C1QTNF2: variants seen among roughly 807,000 people sequenced by gnomAD.
C1QTNF2 encodes C1q and TNF related 2, also known as complement C1q tumor necrosis factor-related protein 2.
A neutral mutation model predicts 17.4 loss-of-function variants in C1QTNF2; 15 were observed. That is an observed-to-expected ratio of 0.86 (90% CI 0.58 to 1.33). C1QTNF2 has a LOEUF of 1.33. C1QTNF2 is among the 40% of genes most tolerant of loss of function. C1QTNF2 has a pLI of 0.00. For synonymous variants in C1QTNF2, 154 were observed against 163.3 expected (o/e 0.94, Z 0.44); for missense variants, 381 against 392.3 (o/e 0.97, Z 0.24).
chr5:160,350,695 T>C (rs1388838760), intron 2 of C1QTNF2, among the ~76,000 whole-genome samples: 1 of 152,088 alleles, frequency 6.6e-6, no homozygotes, highest in Non-Finnish European at 1.5e-5. Flanking sequence ...GAGTAAGACC[T>C]TGTCTCTAAA....
chr5:160,349,420 C>A lies in C1QTNF2; in HGVS notation c.606G>T (p.Thr202=), dbSNP rs754655270. The A allele has an allele frequency of 1.9e-6, 3 of 1,614,004 alleles. No homozygotes were observed. The highest frequency in any genetic ancestry group is 1.1e-5 in the South Asian group (1 of 91,078). Residue 202 remains threonine (T), a synonymous_variant, in exon 3 of 3, where the codon ACG becomes ACT. Coordinates refer to ENST00000652664, the MANE Select transcript of C1QTNF2 (RefSeq NM_031908.6). The surrounding 1 kb of genome is among the most constrained non-coding windows in gnomAD (Gnocchi z 4.3). Reference sequence around the variant, plus strand: ...CGATGGCCAGGTGCTTGTTGGCCAGCGTGATGTCGTAGGTGAAGTAGTAGA... The same window carrying A: ...CGATGGCCAGGTGCTTGTTGGCCAGAGTGATGTCGTAGGTGAAGTAGTAGA... ...PGIYYFTYDI[T]LANKHLAIGL... is the part of the protein sequence containing the mutation.
At chr5:160,369,164 A>C (rs1208462772) in intron 1 of C1QTNF2, among the ~76,000 whole-genome samples, 1 of 151,914 alleles carries the variant, frequency 6.6e-6, no homozygotes, top group Non-Finnish European at 1.5e-5. Flanking sequence ...TACCTTTCAG[A>C]ATTGGGAGGG....
chr5:160,364,771 G>A (rs1004739617), intron 1 of C1QTNF2, among the ~76,000 whole-genome samples: 1 of 152,156 alleles, frequency 6.6e-6, no homozygotes, highest in African/African-American at 2.4e-5. Context: ...TCTGAGGGAA[G>A]GATGGGGTGT....
intron 2 of C1QTNF2, among the ~76,000 whole-genome samples, chr5:160,353,090 A>T (rs1763956520): frequency 6.6e-6 from 1 of 152,182 alleles, no homozygotes; most frequent in South Asian, 2.1e-4. Context: ...CGTTCTTGCG[A>T]GGATGACATT....
At chr5:160,364,741 T>G (rs79116388) in intron 1 of C1QTNF2, among the ~76,000 whole-genome samples, 1 of 152,168 alleles carries the variant, frequency 6.6e-6, no homozygotes, top group Non-Finnish European at 1.5e-5. Context: ...GGGCCTTTTT[T>G]CCTGCCTTGC....
Position 160,349,133 on chromosome 5 carries a change from G to A in C1QTNF2, c.*35C>T, listed in dbSNP as rs751761367. On this transcript the variant is annotated 3_prime_UTR_variant, in exon 3 of 3. Transcript: ENST00000652664. The surrounding 1 kb of genome is among the most constrained non-coding windows in gnomAD (Gnocchi z 4.3). ...TTGCTCTGTAAGCCCAAGTCCAGAA[G>A]CTTGTTCCCTGCCTGGAGGACCGCC... The A allele has an allele frequency of 1.3e-6, 2 of 1,578,328 alleles. No homozygotes were observed. Among genetic ancestry groups the A allele is most frequent in the Admixed American group, 1.8e-5 (1 of 56,902 alleles).
rs1161298707 is a variant in C1QTNF2 at position 160,370,546 on chromosome 5, G to A, written c.-44C>T. The A allele has an allele frequency of 6.7e-7, 1 of 1,487,470 alleles. No homozygotes were observed. Among genetic ancestry groups the A allele is most frequent in the African/African-American group, 1.5e-5 (1 of 68,134 alleles). 92.1% of individuals were successfully genotyped at this position (1,487,470 alleles called of 1,614,324 possible). A position where few individuals can be genotyped will look rare whatever the true frequency, so the allele number is the denominator to read the frequency against. ...TGCCCGCCACGTCCAGGGGCGTCCG[G>A]AGCAAAGAAGCTCTCGGCGGGGCTC... On this transcript the variant is annotated 5_prime_UTR_variant, in exon 1 of 3. Transcript: ENST00000652664.
At chr5:160,363,669 T>C (rs1764195095) in intron 1 of C1QTNF2, among the ~76,000 whole-genome samples, 1 of 152,218 alleles carries the variant, frequency 6.6e-6, no homozygotes, top group South Asian at 2.1e-4. Context: ...TGGTGGGCAG[T>C]GGAGCCCACC....
At position 160,349,286 on chromosome 5, in the gene C1QTNF2, A is replaced by T; in HGVS notation, c.740T>A (p.Val247Asp). Residue 247 changes from valine (V) to aspartate (D), a missense_variant, in exon 3 of 3, where the codon GTT becomes GAT. Coordinates refer to ENST00000652664, the MANE Select transcript of C1QTNF2 (RefSeq NM_031908.6). This position sits in a 1 kb window ranked among gnomAD's most constrained non-coding sequence, Gnocchi z 4.3. ...TILALKQGDE[V>D]WLQIFYSEQN... is the part of the protein sequence containing the mutation. ...CTCTGAGTAGAAGATCTGCAGCCAA[A>T]CTTCGTCACCCTGCTTGAGAGCCAG... 6.2e-7 allele frequency: 1 copy of T among 1,614,004 alleles called. No individual in the cohort carries two copies.
intron 1 of C1QTNF2, among the ~76,000 whole-genome samples, chr5:160,362,385 AAT>A: frequency 6.6e-6 from 1 of 152,314 alleles, no homozygotes; most frequent in South Asian, 2.1e-4. Context: ...TTTTTCCAGG[AAT>A]TTTCATGAAT....
In C1QTNF2 at chr5:160,354,807, C is replaced by G. The variant is rs1462062656; in HGVS notation, c.205G>C (p.Asp69His). ...TCCCCCCGGTCGCCGTCGTGTCCATCTTGGCCGTCTTTGCCAGGAAAGCCC... is the reference window on the plus strand; with the variant it reads ...TCCCCCCGGTCGCCGTCGTGTCCATGTTGGCCGTCTTTGCCAGGAAAGCCC... ...RMGFPGKDGQ[D>H]GHDGDRGDSG... The change falls in exon 2 of 3, where the codon GAT (aspartate) becomes CAT (histidine). Residue 69 changes from aspartate (D) to histidine (H), a missense_variant. By Grantham distance (81) the Asp-to-His change is moderately conservative. Transcript: ENST00000652664. The G allele has an allele frequency of 6.2e-7, 1 of 1,613,634 alleles. No homozygotes were observed. The highest frequency in any genetic ancestry group is 8.5e-7 in the Non-Finnish European group (1 of 1,179,980).
At chr5:160,364,876 G>A (rs1001496365) in intron 1 of C1QTNF2, among the ~76,000 whole-genome samples, 2 of 152,162 alleles carry the variant, frequency 1.3e-5, no homozygotes, top group African/African-American at 4.8e-5. Context: ...CTCATCAAGC[G>A]ACAGGGCCAA....
chr5:160,370,594 G>T lies in C1QTNF2; in HGVS notation c.-92C>A. 6.9e-7 allele frequency: 1 copy of T among 1,450,696 alleles called. No homozygotes were observed. 89.9% of individuals were successfully genotyped at this position (1,450,696 alleles called of 1,614,324 possible). On this transcript the variant is annotated 5_prime_UTR_variant, in exon 1 of 3. It introduces an in-frame stop codon into an upstream open reading frame of the 5' UTR. Transcript: ENST00000652664. ...CTCCGCGTCCCGGCTTTCCTCAGCG[G>T]CAGCAGCCGGGCAGAGCGTCGGCCC... is the stretch of plus-strand genomic sequence containing the variant.
chr5:160,366,169 A>G (rs1163566797), intron 1 of C1QTNF2, among the ~76,000 whole-genome samples: 1 of 152,114 alleles, frequency 6.6e-6, no homozygotes, highest in Non-Finnish European at 1.5e-5. Flanking sequence ...GCATCCTCAT[A>G]GCTTAGCTCT....
chr5:160,358,466 A>T (rs529179755), intron 1 of C1QTNF2, among the ~76,000 whole-genome samples: 21 of 149,930 alleles, frequency 1.4e-4, no homozygotes, highest in African/African-American at 5.2e-4. Context: ...CCTTTCTTTA[A>T]TTTTTTTTTT....
At chr5:160,359,123 C>T (rs1764104757) in intron 1 of C1QTNF2, among the ~76,000 whole-genome samples, 1 of 152,152 alleles carries the variant, frequency 6.6e-6, no homozygotes, top group Admixed American at 6.6e-5. Flanking sequence ...TGAAGCTTAC[C>T]TGAGCCCTTA....
At chr5:160,362,581 G>T (rs770853604) in intron 1 of C1QTNF2, among the ~76,000 whole-genome samples, 15 of 152,136 alleles carry the variant, frequency 9.9e-5, no homozygotes, top group Non-Finnish European at 1.9e-4. Context: ...GGTGTCAAGC[G>T]CCTGGACACT....
At chr5:160,366,152 T>C (rs1027541458) in intron 1 of C1QTNF2, among the ~76,000 whole-genome samples, 4 of 152,222 alleles carry the variant, frequency 2.6e-5, no homozygotes, top group African/African-American at 9.7e-5. Flanking sequence ...GTCATTCTTA[T>C]GCCTTTGCAT....
intron 1 of C1QTNF2, among the ~76,000 whole-genome samples, chr5:160,367,879 T>C (rs1352975013): frequency 6.6e-6 from 1 of 152,254 alleles, no homozygotes; most frequent in Non-Finnish European, 1.5e-5. Context: ...ATTCTCCATG[T>C]ATGTTGTGTG....
Sources: allele counts gnomAD v4.1 joint callset (sites outside exome capture counted in the v4.1 genomes callset), GRCh38; gene constraint gnomAD v4.1.1; non-coding constraint Gnocchi (gnomAD v3.1); transcripts MANE v1.5; gene names NCBI Gene and HGNC (gene_info 2026-07-23, HGNC 2026-07-21).